Variants in TNFRSF9 observed in about 807,000 individuals in gnomAD.
TNFRSF9 encodes tumor necrosis factor receptor superfamily member 9.
In TNFRSF9, 16 loss-of-function variants were observed where a neutral mutation model predicts 28.8. The observed-to-expected ratio is 0.55, with a 90% CI of 0.38 to 0.84. TNFRSF9 has a LOEUF of 0.84. Ranked by LOEUF, TNFRSF9 falls within the 40% of genes least tolerant of loss-of-function variation. The probability of loss-of-function intolerance (pLI) is 0.00; values close to 1 mark genes in which losing one functional copy is unlikely to be tolerated. For synonymous variants in TNFRSF9, 131 were observed against 117.0 expected (o/e 1.12, Z -0.77); for missense variants, 303 against 315.0 (o/e 0.96, Z 0.29).
intron 7 of TNFRSF9, among the ~76,000 whole-genome samples, chr1:7,926,323 A>G (rs1025345676): frequency 6.6e-6 from 1 of 152,214 alleles, no homozygotes; most frequent in African/African-American, 2.4e-5. Context: ...TTTGTAGTAT[A>G]GGAGGGATAG....
chr1:7,929,414 G>T (rs1040482806), intron 7 of TNFRSF9, among the ~76,000 whole-genome samples: 2 of 151,856 alleles, frequency 1.3e-5, no homozygotes, highest in Non-Finnish European at 2.9e-5. Flanking sequence ...TGATCCATCC[G>T]CCTCAGCCTC....
chr1:7,938,111 T>C, intron 4 of TNFRSF9, 82 bp downstream of exon 4: 2 of 1,320,312 alleles, frequency 1.5e-6, no homozygotes, highest in Non-Finnish European at 1.0e-6. Context: ...CAAATCTGTT[T>C]GTTTATTTTC....
chr1:7,934,546 T>C (rs762948359), intron 6 of TNFRSF9, among the ~76,000 whole-genome samples: 12 of 147,440 alleles, frequency 8.1e-5, no homozygotes, highest in Non-Finnish European at 1.6e-4. Context: ...TCATCTCTAC[T>C]AAAAATACAA....
intron 5 of TNFRSF9, among the ~76,000 whole-genome samples, chr1:7,935,421 C>A (rs1639802072): frequency 6.6e-6 from 1 of 152,186 alleles, no homozygotes; most frequent in Non-Finnish European, 1.5e-5. Flanking sequence ...TTGACCATCT[C>A]CGGCACAGAT....
At position 7,937,779 on chromosome 1, in the gene TNFRSF9, T is replaced by C. The variant is rs753757340; in HGVS notation, c.347-23A>G. The stretch of plus-strand genomic sequence containing the variant: ...AACCTTGTATTAAAAATGAAAGCAA[T>C]AATAAAAGGGAAGCATTTTCATCAT... On this transcript the variant is annotated intron_variant, in intron 4 of 7. Coordinates refer to ENST00000377507, the MANE Select transcript of TNFRSF9 (RefSeq NM_001561.6). 41 of 1,592,320 alleles carry C rather than the reference T, an allele frequency of 2.6e-5. No homozygotes were observed. The East Asian group carries it at 7.6e-4, about 30-fold the overall frequency.
rs968520945 is a variant in TNFRSF9, at chr1:7,923,849, AT to A, written c.680-2927del. On this transcript the variant is annotated intron_variant, in intron 7 of 7. Transcript: ENST00000377507. ...CAAGCAAGACCCTGACTTCTAAAAA[AT>A]TTTTTTTTTACTTAGGCCTAAATCT... 4.6e-5 allele frequency among the ~76,000 whole-genome samples: 7 copies of A among 150,988 alleles called. No homozygotes were observed. In the South Asian group the frequency reaches 1.3e-3, roughly 27 times the overall value.
intron 4 of TNFRSF9, 110 bp downstream of exon 4, chr1:7,938,083 T>C: frequency 1.0e-6 from 1 of 981,100 alleles, no homozygotes; most frequent in South Asian, 2.7e-5. Context: ...TATACTCCCT[T>C]GTTACTTTAA....
rs9657979 is a variant in TNFRSF9 at position 7,935,030 on chromosome 1, G to T, written c.527C>A (p.Ala176Asp). Reference protein sequence around the residue: ...SPGASSVTPPAPAREPGHSPQ... With the variant: ...SPGASSVTPPDPAREPGHSPQ... ...CCAGTTACCTGGCTCTCTCGCAGGG[G>T]CAGGCGGGGTCACAGAGGATGCTCC... The change falls in exon 6 of 8, where the codon GCC becomes GAC. Residue 176 changes from alanine (A) to aspartate (D), a missense_variant. Transcript: ENST00000377507. The T allele has an allele frequency of 1.9e-3, 3,014 of 1,614,240 alleles. 54 individuals are homozygous for T. In the African/African-American group the frequency reaches 0.034, roughly 18 times the overall value.
chr1:7,939,001 C>T (rs1343194670), intron 2 of TNFRSF9, among the ~76,000 whole-genome samples, 173 bp from the exon 3 acceptor site: 1 of 152,186 alleles, frequency 6.6e-6, no homozygotes, highest in African/African-American at 2.4e-5. Flanking sequence ...CAAGATTATT[C>T]TTTGTGTAAT....
rs183151437 is a variant in TNFRSF9, at chr1:7,921,052, T to C, written c.680-129A>G. The C allele has an allele frequency of 1.4e-4, 99 of 696,128 alleles. 1 individual carries two copies. The highest frequency in any genetic ancestry group is 1.1e-3 in the Admixed American group (41 of 38,748). The allele number at this position is 696,128 out of a possible 1,614,324, so 43.1% of individuals were successfully genotyped here. A position where few individuals can be genotyped will look rare whatever the true frequency, so the allele number is the denominator to read the frequency against. On this transcript the variant is annotated intron_variant, in intron 7 of 7. Transcript: ENST00000377507. ...ATTCTCCCCTTTAATTTTAACAAAC[T>C]CAGCCAGGCGTGGTGGCTCATGCCT...
chr1:7,932,831 T>C (rs1639753670), intron 7 of TNFRSF9, among the ~76,000 whole-genome samples: 1 of 152,202 alleles, frequency 6.6e-6, no homozygotes, highest in South Asian at 2.1e-4. Flanking sequence ...CTCTTCTATA[T>C]GCAAGCTTTC....
intron 6 of TNFRSF9, among the ~76,000 whole-genome samples, chr1:7,934,373 G>C (rs568807710): frequency 3.0e-5 from 4 of 133,886 alleles, no homozygotes; most frequent in South Asian, 2.5e-4. Context: ...AGGCACTCTC[G>C]GGGGAAAAAA....
chr1:7,922,478 G>A (rs565739716), intron 7 of TNFRSF9, among the ~76,000 whole-genome samples: 124 of 152,210 alleles, frequency 8.1e-4, no homozygotes, highest in African/African-American at 2.9e-3. Context: ...TAGAGAAGCA[G>A]CACTCTAAAA....
In TNFRSF9 at chr1:7,919,851, A is replaced by G. The variant is rs1335510059; in HGVS notation, c.*984T>C. 2 of 152,230 alleles carry G rather than the reference A, an allele frequency of 1.3e-5. No individual in the cohort carries two copies. Among genetic ancestry groups the G allele is most frequent in the African/African-American group, 2.4e-5 (1 of 41,458 alleles). The allele number at this position is 152,230 out of a possible 1,614,324, so 9.4% of individuals were successfully genotyped here. On this transcript the variant is annotated 3_prime_UTR_variant, in exon 8 of 8. Transcript: ENST00000377507. ...TCTCACTGTACTTCATACCTATCAT[A>G]TGCAGTTCATTTATTGGCTTTGGTA...
intron 7 of TNFRSF9, among the ~76,000 whole-genome samples, chr1:7,923,318 G>C (rs552912627): frequency 6.6e-6 from 1 of 152,202 alleles, no homozygotes; most frequent in Non-Finnish European, 1.5e-5. Context: ...CCACCCTCAC[G>C]GCTGATTAAG....
chr1:7,927,322 A>G (rs1639669184), intron 7 of TNFRSF9, among the ~76,000 whole-genome samples: 2 of 152,176 alleles, frequency 1.3e-5, no homozygotes, highest in East Asian at 1.9e-4. Context: ...CAAACACCAA[A>G]CGGCTAACTG....
intron 2 of TNFRSF9, among the ~76,000 whole-genome samples, chr1:7,939,552 C>T (rs1639872173): frequency 6.6e-6 from 1 of 152,170 alleles, no homozygotes; most frequent in East Asian, 1.9e-4. Context: ...CGCTTACTCG[C>T]TGCTATGCCC....
Position 7,933,265 on chromosome 1 carries a change from A to T in TNFRSF9, c.576T>A (p.Leu192=), listed in dbSNP as rs753713618. 6.2e-6 allele frequency: 10 copies of T among 1,613,810 alleles called. No individual in the cohort carries two copies. In the East Asian group the frequency reaches 2.2e-4, roughly 36 times the overall value. ...AGAGCAACGCAGTCGACGTCAGCGC[A>T]AGAAAGAAGGAGATGATCTGCGGAG... ...GHSPQIISFF[L]ALTSTALLFL... Residue 192 remains leucine, a synonymous_variant, in exon 7 of 8, where the codon CTT becomes CTA. Coordinates refer to ENST00000377507, the MANE Select transcript of TNFRSF9 (RefSeq NM_001561.6).
At chr1:7,923,057 C>T (rs962073187) in intron 7 of TNFRSF9, among the ~76,000 whole-genome samples, 1 of 151,798 alleles carries the variant, frequency 6.6e-6, no homozygotes, top group Non-Finnish European at 1.5e-5. Context: ...TGCCCGCCAC[C>T]AGGCCCGGCT....
Sources: allele counts gnomAD v4.1 joint callset (sites outside exome capture counted in the v4.1 genomes callset), GRCh38; gene constraint gnomAD v4.1.1; transcripts MANE v1.5; gene names NCBI Gene and HGNC (gene_info 2026-07-23, HGNC 2026-07-21).